MDGA2: variants seen among roughly 807,000 people sequenced by gnomAD.
MDGA2 encodes MAM domain-containing glycosylphosphatidylinositol anchor protein 2.
In MDGA2, 40 loss-of-function variants were observed where a neutral mutation model predicts 117.8. The ratio of observed to expected loss-of-function variants is 0.34; its 90% CI spans 0.26 to 0.44. The LOEUF (loss-of-function observed/expected upper bound fraction) is 0.44. Ranked by LOEUF, MDGA2 falls within the 20% of genes least tolerant of loss-of-function variation. The pLI, the probability that MDGA2 is intolerant of heterozygous loss-of-function variation, is 1.00. For missense variants in MDGA2, 1,123 were observed against 1,250.6 expected, an observed-to-expected ratio of 0.90 and a Z score of 1.54; for synonymous variants, 452 against 439.0, an observed-to-expected ratio of 1.03 and a Z score of -0.37.
chr14:47,490,142 C>A (rs1334907728), intron 1 of MDGA2, among the ~76,000 whole-genome samples: 4 of 152,034 alleles, frequency 2.6e-5, no homozygotes, highest in African/African-American at 9.7e-5. Context: ...TGAGATTAGT[C>A]AGCCTTTTTG....
At chr14:47,359,388 A>C (rs1028226474) in intron 1 of MDGA2, among the ~76,000 whole-genome samples, 2 of 152,064 alleles carry the variant, frequency 1.3e-5, no homozygotes, top group African/African-American at 4.8e-5. Flanking sequence ...CAAACAAAAA[A>C]CATTATGTTA....
At chr14:47,260,019 G>A (rs146638647) in intron 2 of MDGA2, among the ~76,000 whole-genome samples, 34 of 152,070 alleles carry the variant, frequency 2.2e-4, no homozygotes, top group Admixed American at 4.6e-4. Context: ...GGGGAGCCTA[G>A]ACAAAAAATA....
chr14:47,628,653 A>G (rs1323795930), intron 1 of MDGA2, among the ~76,000 whole-genome samples: 1 of 152,228 alleles, frequency 6.6e-6, no homozygotes, highest in Non-Finnish European at 1.5e-5. Context: ...CTTTTTGAGT[A>G]TCAAGATATA....
intron 1 of MDGA2, among the ~76,000 whole-genome samples, chr14:47,428,580 T>C (rs1350267931): frequency 2.0e-5 from 3 of 152,214 alleles, no homozygotes; most frequent in South Asian, 2.1e-4. Context: ...TCTCTACATA[T>C]ATGTTTTGTA....
intron 3 of MDGA2, among the ~76,000 whole-genome samples, chr14:47,152,644 G>A (rs918407469): frequency 6.6e-6 from 1 of 151,688 alleles, no homozygotes; most frequent in Admixed American, 6.6e-5. Context: ...AAATAACTCA[G>A]TTTACAAGTA....
intron 7 of MDGA2, among the ~76,000 whole-genome samples, chr14:47,052,085 A>G (rs1426462099): frequency 6.6e-6 from 1 of 151,910 alleles, no homozygotes; most frequent in Admixed American, 6.6e-5. Flanking sequence ...TTTAACTCTA[A>G]TACATCATTA....
chr14:47,368,105 C>A (rs1891269599), intron 1 of MDGA2, among the ~76,000 whole-genome samples: 1 of 151,206 alleles, frequency 6.6e-6, no homozygotes, highest in Non-Finnish European at 1.5e-5. Context: ...CATGGTGAAA[C>A]CCCGTCTGTA....
chr14:46,984,320 C>G (rs994711954), intron 8 of MDGA2, among the ~76,000 whole-genome samples: 4 of 151,952 alleles, frequency 2.6e-5, no homozygotes, highest in Non-Finnish European at 5.9e-5. Context: ...AATACGGAAG[C>G]ATTCATTTTA....
At chr14:46,929,640 TATATATACA>T (rs1566530371) in intron 9 of MDGA2, among the ~76,000 whole-genome samples, 1,093 of 48,278 alleles carry the variant, frequency 0.023, 189 homozygotes, top group Non-Finnish European at 0.034. Flanking sequence ...TATATATATA[TATATATACA>T]TTTTTTTTTT....
At chr14:47,524,598 C>T (rs971015312) in intron 1 of MDGA2, among the ~76,000 whole-genome samples, 10 of 152,064 alleles carry the variant, frequency 6.6e-5, no homozygotes, top group African/African-American at 2.4e-4. Flanking sequence ...AATAAAATAC[C>T]CATTTAGTGG....
At chr14:47,491,488 G>A (rs1480934061) in intron 1 of MDGA2, among the ~76,000 whole-genome samples, 1 of 151,972 alleles carries the variant, frequency 6.6e-6, no homozygotes, top group African/African-American at 2.4e-5. Flanking sequence ...CCTATACGAA[G>A]GAAAGACTAG....
chr14:47,540,865 A>G (rs958763362), intron 1 of MDGA2, among the ~76,000 whole-genome samples: 1 of 152,032 alleles, frequency 6.6e-6, no homozygotes, highest in African/African-American at 2.4e-5. Context: ...ACACCCAACC[A>G]CACTATATAT....
intron 5 of MDGA2, among the ~76,000 whole-genome samples, chr14:47,113,181 A>G (rs139916441): frequency 6.6e-6 from 1 of 152,194 alleles, no homozygotes; most frequent in Non-Finnish European, 1.5e-5. Context: ...AGAATACTAT[A>G]AACACCTCCA....
At chr14:46,972,387 A>G (rs1886303859) in intron 8 of MDGA2, among the ~76,000 whole-genome samples, 1 of 152,162 alleles carries the variant, frequency 6.6e-6, no homozygotes, top group Non-Finnish European at 1.5e-5. Flanking sequence ...AAAGATATTG[A>G]GCCATTTGTA....
intron 1 of MDGA2, among the ~76,000 whole-genome samples, chr14:47,572,027 T>C (rs1457389085): frequency 6.6e-6 from 1 of 152,236 alleles, no homozygotes; most frequent in Non-Finnish European, 1.5e-5. Flanking sequence ...AGAATCTGGT[T>C]TTTGGTCTCC....
intron 1 of MDGA2, among the ~76,000 whole-genome samples, chr14:47,592,453 C>A (rs762018124): frequency 2.6e-5 from 4 of 151,914 alleles, no homozygotes; most frequent in Non-Finnish European, 4.4e-5. Flanking sequence ...GCAAAAAGAA[C>A]AAAGCTGGAG....
chr14:47,334,136 C>T (rs1566743129), intron 1 of MDGA2, among the ~76,000 whole-genome samples: 1 of 151,558 alleles, frequency 6.6e-6, no homozygotes, highest in Admixed American at 6.6e-5. Context: ...AAAAACAAAG[C>T]AAAAAACCTT....
chr14:47,359,562 G>A (rs139774344), intron 1 of MDGA2, among the ~76,000 whole-genome samples: 12 of 152,032 alleles, frequency 7.9e-5, no homozygotes, highest in African/African-American at 2.9e-4. Flanking sequence ...TTTCTCCAGT[G>A]CTGTTGGGAA....
Position 46,973,025 on chromosome 14 carries a change from G to A in MDGA2, c.1820-15382C>T, listed in dbSNP as rs370772968. Among the ~76,000 whole-genome samples the A allele has an allele frequency of 3.9e-5, 6 of 152,226 alleles. No homozygotes were observed. In the South Asian group the frequency reaches 6.2e-4, roughly 16 times the overall value. On this transcript the variant is annotated intron_variant, in intron 8 of 16. Transcript: ENST00000399232. ...AATTATGTTTATGAGGAGATGCTGTGCATGATGTCATCAAGGAAATGCAAA... is the reference window on the plus strand; with the variant it reads ...AATTATGTTTATGAGGAGATGCTGTACATGATGTCATCAAGGAAATGCAAA...
Sources: allele counts gnomAD v4.1 joint callset (sites outside exome capture counted in the v4.1 genomes callset), GRCh38; gene constraint gnomAD v4.1.1; transcripts MANE v1.5; gene names NCBI Gene and HGNC (gene_info 2026-07-23, HGNC 2026-07-21).